PIEZO2: variants seen among roughly 807,000 people sequenced by gnomAD.
PIEZO2 encodes piezo-type mechanosensitive ion channel component 2.
PIEZO2 carries 172 observed loss-of-function variants against 337.3 expected under a neutral mutation model. That is an observed-to-expected ratio of 0.51 (90% CI 0.45 to 0.58). The LOEUF (loss-of-function observed/expected upper bound fraction) is 0.58, where lower values mean the gene tolerates loss of function less well. Among genes scored for constraint, PIEZO2 ranks in the 20% least tolerant of loss-of-function variants. The probability of loss-of-function intolerance (pLI) is 0.00; values close to 1 mark genes in which losing one functional copy is unlikely to be tolerated. For missense variants in PIEZO2, 3,028 were observed against 3,391.3 expected (o/e 0.89, Z 2.66); for synonymous variants, 1,251 against 1,228.5 (o/e 1.02, Z -0.38).
chr18:11,142,875 G>C (rs35428778), intron 1 of PIEZO2, among the ~76,000 whole-genome samples: 53,437 of 151,472 alleles, frequency 0.35, 9,767 homozygotes, highest in East Asian at 0.46. Flanking sequence ...TCAGGAGATC[G>C]AGACCATCCT....
chr18:10,955,885 C>A (rs562464496), intron 3 of PIEZO2, among the ~76,000 whole-genome samples: 2 of 152,138 alleles, frequency 1.3e-5, no homozygotes, highest in African/African-American at 4.8e-5. Context: ...TTTTAAGCTA[C>A]CATATCCCCA....
rs968642981 is a variant in PIEZO2 at position 11,078,008 on chromosome 18, G to A, written c.65-11786C>T. Among the ~76,000 whole-genome samples the A allele has an allele frequency of 6.6e-6, 1 of 150,488 alleles. No individual in the cohort carries two copies. Among genetic ancestry groups the A allele is most frequent in the Non-Finnish European group, 1.5e-5 (1 of 67,614 alleles). On this transcript the variant is annotated intron_variant, in intron 1 of 55. Transcript: ENST00000674853. The surrounding 1 kb of genome is among the most constrained non-coding windows in gnomAD (Gnocchi z 5.3). ...AAGGCCACAATACACACACATACAC[G>A]CAAAAACACATGTGCGTGCACACAC...
At chr18:10,740,225 G>A (rs11663500) in intron 33 of PIEZO2, 49,355 of 152,278 alleles carry the variant, frequency 0.32, 8,675 homozygotes, top group East Asian at 0.53. Context: ...TCTTTGCTAA[G>A]CAGAGCAAAT....
chr18:10,869,244 T>A (rs1302842623), intron 5 of PIEZO2, among the ~76,000 whole-genome samples: 2 of 152,196 alleles, frequency 1.3e-5, no homozygotes, highest in African/African-American at 4.8e-5. Flanking sequence ...TGTCTCAGCA[T>A]CACACACTAG....
intron 1 of PIEZO2, among the ~76,000 whole-genome samples, chr18:11,142,806 C>T (rs1179247244): frequency 1.4e-5 from 2 of 143,996 alleles, no homozygotes. Context: ...GGACCGGGCA[C>T]GGTGGCTCAC....
rs1209430016 is a variant in PIEZO2 at position 11,021,735 on chromosome 18, T to C, written c.161-42075A>G. ...CCCATGCCTTCACAAGTTCATTCTA[T>C]TCAATGTATGAGTCTGAGCACCTGC... On this transcript the variant is annotated intron_variant, in intron 2 of 55. Transcript: ENST00000674853. The surrounding 1 kb of genome is among the most constrained non-coding windows in gnomAD (Gnocchi z 4.7). 6.6e-6 allele frequency among the ~76,000 whole-genome samples: 1 copy of C among 152,190 alleles called. No homozygotes were observed. The highest frequency in any genetic ancestry group is 2.4e-5 in the African/African-American group (1 of 41,454).
intron 4 of PIEZO2, among the ~76,000 whole-genome samples, chr18:10,886,899 T>C (rs999006265): frequency 3.3e-5 from 5 of 152,012 alleles, no homozygotes; most frequent in Admixed American, 6.6e-5. Context: ...GGCTCACGGT[T>C]CTGAAGGCTT....
chr18:10,978,210 C>T (rs553252959), intron 3 of PIEZO2, among the ~76,000 whole-genome samples: 2 of 152,102 alleles, frequency 1.3e-5, no homozygotes, highest in South Asian at 4.2e-4. Flanking sequence ...GTGGCAGGCA[C>T]CTGTAGTCCC....
chr18:10,875,178 T>C (rs1173702497), intron 4 of PIEZO2, among the ~76,000 whole-genome samples: 1 of 152,102 alleles, frequency 6.6e-6, no homozygotes, highest in African/African-American at 2.4e-5. Context: ...TCTTACCCCA[T>C]TTAAAAAAAT....
intron 7 of PIEZO2, among the ~76,000 whole-genome samples, chr18:10,809,956 A>G (rs2040136201): frequency 6.6e-6 from 1 of 152,202 alleles, no homozygotes; most frequent in Non-Finnish European, 1.5e-5. Flanking sequence ...TGACACAATT[A>G]CAGAGCAGCA....
At chr18:10,706,160 G>C (rs1282965519) in intron 40 of PIEZO2, among the ~76,000 whole-genome samples, 2 of 152,148 alleles carry the variant, frequency 1.3e-5, no homozygotes, top group African/African-American at 4.8e-5. Flanking sequence ...TTGACCAAGA[G>C]CTAAGTCTTA....
intron 1 of PIEZO2, among the ~76,000 whole-genome samples, chr18:11,141,764 G>T (rs1306804179): frequency 2.6e-5 from 4 of 152,186 alleles, no homozygotes; most frequent in Non-Finnish European, 5.9e-5. Flanking sequence ...CTGAAGTGGG[G>T]TGGAGAGTTC....
rs1320778723 is a variant in PIEZO2, at chr18:10,846,079, C to T, written c.917+9274G>A. The stretch of plus-strand genomic sequence containing the variant: ...CCACACATCTTATAGCCAGTGGCCA[C>T]ATCTGAAGCTTAGTATATTAGTCCA... On this transcript the variant is annotated intron_variant, in intron 7 of 55. Transcript: ENST00000674853. The surrounding 1 kb of genome is among the most constrained non-coding windows in gnomAD (Gnocchi z 4.1). Among the ~76,000 whole-genome samples, 3 of 152,196 alleles carry T rather than the reference C, an allele frequency of 2.0e-5. No homozygotes were observed. Among genetic ancestry groups the T allele is most frequent in the Non-Finnish European group, 4.4e-5 (3 of 68,036 alleles).
rs139694331 is a variant in PIEZO2, at chr18:10,720,939, C to T, written c.5030-2680G>A. Among the ~76,000 whole-genome samples, 729 of 152,284 alleles carry T rather than the reference C, an allele frequency of 4.8e-3. 8 individuals carry two copies. Among genetic ancestry groups the T allele is most frequent in the African/African-American group, 0.017 (694 of 41,552 alleles). On this transcript the variant is annotated intron_variant, in intron 36 of 55. Coordinates refer to ENST00000674853, the MANE Select transcript of PIEZO2 (RefSeq NM_001378183.1). ...TTCTGCTAGAATGTCAGGCTGTGTA[C>T]AAATACTCCCTTCTTCATGGAGCAT...
At position 10,987,157 on chromosome 18, in the gene PIEZO2, C is replaced by A. The variant is rs966771476; in HGVS notation, c.161-7497G>T. Among the ~76,000 whole-genome samples, 7 of 151,974 alleles carry A rather than the reference C, an allele frequency of 4.6e-5. No individual in the cohort carries two copies. The South Asian group carries it at 8.3e-4, about 18-fold the overall frequency. The stretch of plus-strand genomic sequence containing the variant: ...CCAAAAGGAATCTACAGATTCAATG[C>A]AATATCTATCAAAATTCCAATGACA... On this transcript the variant is annotated intron_variant, in intron 2 of 55. Coordinates refer to ENST00000674853, the MANE Select transcript of PIEZO2 (RefSeq NM_001378183.1).
chr18:10,810,130 C>T (rs2040143011), intron 7 of PIEZO2, among the ~76,000 whole-genome samples: 1 of 152,090 alleles, frequency 6.6e-6, no homozygotes, highest in South Asian at 2.1e-4. Flanking sequence ...CTTTCACTTC[C>T]TAATAAAATC....
At chr18:11,103,295 T>C (rs2039471908) in intron 1 of PIEZO2, among the ~76,000 whole-genome samples, 1 of 152,188 alleles carries the variant, frequency 6.6e-6, no homozygotes, top group South Asian at 2.1e-4. Flanking sequence ...CTTTAGACAG[T>C]TTTAACTGTC....
intron 1 of PIEZO2, among the ~76,000 whole-genome samples, chr18:11,133,539 AC>A (rs1211944617): frequency 6.6e-6 from 1 of 152,144 alleles, no homozygotes; most frequent in Non-Finnish European, 1.5e-5. Context: ...AGGCAGATCC[AC>A]CCTTAATCTG....
chr18:11,046,936 T>G (rs760176683), intron 2 of PIEZO2, among the ~76,000 whole-genome samples: 31 of 152,188 alleles, frequency 2.0e-4, no homozygotes, highest in Non-Finnish European at 4.1e-4. Context: ...CTCCAAAACT[T>G]GTCTTTGATA....
Sources: gnomAD v4.1 joint callset for allele counts (sites outside exome capture counted in the v4.1 genomes callset) on GRCh38, gnomAD v4.1.1 for gene constraint, Gnocchi (gnomAD v3.1) non-coding constraint, MANE v1.5 for transcripts, NCBI Gene and HGNC (gene_info 2026-07-23, HGNC 2026-07-21) for gene names.